Variants in STX17 observed in about 807,000 individuals in gnomAD.
The protein encoded by STX17 is syntaxin-17.
Under a neutral mutation model 35.9 loss-of-function variants are expected in STX17, and 29 were observed. The ratio of observed to expected loss-of-function variants is 0.81; its 90% CI spans 0.60 to 1.10. The LOEUF is 1.10. Ranked by LOEUF, STX17 falls within the 50% of genes least tolerant of loss-of-function variation. STX17 has a pLI of 0.00. For synonymous variants in STX17, 92 were observed against 118.3 expected, an observed-to-expected ratio of 0.78 and a Z score of 1.44; for missense variants, 312 against 352.3, an observed-to-expected ratio of 0.89 and a Z score of 0.92.
intron 6 of STX17, among the ~76,000 whole-genome samples, chr9:99,964,179 C>A (rs868229241): frequency 2.6e-5 from 4 of 152,226 alleles, no homozygotes; most frequent in South Asian, 4.2e-4. Flanking sequence ...GGATGCTAGG[C>A]CTACAAGTGT....
intron 3 of STX17, among the ~76,000 whole-genome samples, chr9:99,931,416 T>G (rs1312329497): frequency 1.3e-5 from 2 of 152,294 alleles, no homozygotes; most frequent in East Asian, 3.9e-4. Flanking sequence ...TTTCTAAAAA[T>G]TCATGTGCTT....
chr9:99,933,282 A>G (rs913960171), intron 3 of STX17, among the ~76,000 whole-genome samples: 2 of 152,114 alleles, frequency 1.3e-5, no homozygotes, highest in African/African-American at 4.8e-5. Flanking sequence ...TCCATTTGTC[A>G]GTCTATTTCT....
intron 7 of STX17, among the ~76,000 whole-genome samples, chr9:99,968,015 G>A (rs1360991219): frequency 6.6e-6 from 1 of 152,232 alleles, no homozygotes; most frequent in African/African-American, 2.4e-5. Context: ...GGGTAAAAGT[G>A]TAAGTATGTG....
At chr9:99,942,939 G>A (rs1325479202) in intron 3 of STX17, among the ~76,000 whole-genome samples, 1 of 152,068 alleles carries the variant, frequency 6.6e-6, no homozygotes, top group African/African-American at 2.4e-5. Flanking sequence ...TTTATAATGA[G>A]TTTTGATATC....
At chr9:99,948,817 T>C (rs1829536261) in intron 3 of STX17, among the ~76,000 whole-genome samples, 1 of 152,150 alleles carries the variant, frequency 6.6e-6, no homozygotes, top group African/African-American at 2.4e-5. Flanking sequence ...CTTAGCTGGA[T>C]ACTGTAATTT....
At chr9:99,912,165 G>A (rs1267954089) in intron 1 of STX17, among the ~76,000 whole-genome samples, 1 of 151,974 alleles carries the variant, frequency 6.6e-6, no homozygotes, top group African/African-American at 2.4e-5. Flanking sequence ...GGCAGAGGTT[G>A]CAGTAAGCTG....
At chr9:99,966,508 A>G (rs981304654) in intron 6 of STX17, among the ~76,000 whole-genome samples, 1 of 152,222 alleles carries the variant, frequency 6.6e-6, no homozygotes, top group African/African-American at 2.4e-5. Context: ...GGCCAATTAT[A>G]TAAGGGCAAT....
chr9:99,933,256 G>C (rs981741583), intron 3 of STX17, among the ~76,000 whole-genome samples: 1 of 152,020 alleles, frequency 6.6e-6, no homozygotes, highest in African/African-American at 2.4e-5. Context: ...ATATGTCTCT[G>C]ATCTTTATAT....
intron 4 of STX17, among the ~76,000 whole-genome samples, chr9:99,955,915 A>G (rs764361704): frequency 3.3e-5 from 5 of 152,174 alleles, no homozygotes; most frequent in South Asian, 2.1e-4. Context: ...ACTATAATCT[A>G]TCTCAGCGTT....
At chr9:99,953,155 A>G (rs55907318) in intron 4 of STX17, among the ~76,000 whole-genome samples, 1 of 152,046 alleles carries the variant, frequency 6.6e-6, no homozygotes, top group Non-Finnish European at 1.5e-5. Flanking sequence ...TTTTAATTTT[A>G]TATTTTCAGT....
chr9:99,946,876 T>C (rs1333261108), intron 3 of STX17, among the ~76,000 whole-genome samples: 2 of 152,152 alleles, frequency 1.3e-5, no homozygotes, highest in African/African-American at 2.4e-5. Context: ...TGCAAGAAAC[T>C]CTTGTCTCTA....
intron 2 of STX17, among the ~76,000 whole-genome samples, chr9:99,926,191 T>C (rs899267902): frequency 5.9e-5 from 9 of 152,020 alleles, no homozygotes; most frequent in African/African-American, 2.2e-4. Flanking sequence ...CTTATATGGC[T>C]TTTCTTCTAA....
At chr9:99,924,717 T>C (rs1217592695) in intron 2 of STX17, among the ~76,000 whole-genome samples, 1 of 152,182 alleles carries the variant, frequency 6.6e-6, no homozygotes, top group Non-Finnish European at 1.5e-5. Context: ...ACAATTTTAT[T>C]TTTTTCTAGC....
chr9:99,911,857 A>G (rs1828672068), intron 1 of STX17, among the ~76,000 whole-genome samples: 1 of 152,180 alleles, frequency 6.6e-6, no homozygotes, highest in Admixed American at 6.5e-5. Context: ...AATTACAGCT[A>G]TGAGCCAGCG....
At chr9:99,955,639 G>A (rs188735398) in intron 4 of STX17, among the ~76,000 whole-genome samples, 61 of 152,076 alleles carry the variant, frequency 4.0e-4, no homozygotes, top group African/African-American at 1.3e-3. Flanking sequence ...GGAGAAAGAG[G>A]GAGAGAGTAC....
chr9:99,906,931 G>C (rs1021322080), intron 1 of STX17: 4 of 152,264 alleles, frequency 2.6e-5, no homozygotes, highest in African/African-American at 9.6e-5. Flanking sequence ...GGCCGCAGAC[G>C]ATGCGAGCAG....
chr9:99,966,087 C>T (rs1829906062), intron 6 of STX17, among the ~76,000 whole-genome samples: 1 of 152,142 alleles, frequency 6.6e-6, no homozygotes, highest in Non-Finnish European at 1.5e-5. Context: ...CTGGCAGCAT[C>T]AGCATCACCT....
Position 99,951,105 on chromosome 9 carries a change from G to A in STX17, c.235G>A (p.Val79Ile). Residue 79 changes from valine to isoleucine, a missense_variant, in exon 4 of 8, where the codon GTC (valine) becomes ATC (isoleucine). Coordinates refer to ENST00000259400, the MANE Select transcript of STX17 (RefSeq NM_017919.3). ...IREIEKLCLK[V>I]RKDDLVLLKR... ...AGAAATTGAGAAACTTTGTTTGAAA[G>A]TCCGAAAGGATGACCTAGTACTTCT... 6.2e-7 allele frequency: 1 copy of A among 1,612,112 alleles called. No homozygotes were observed. Among genetic ancestry groups the A allele is most frequent in the Non-Finnish European group, 8.5e-7 (1 of 1,178,776 alleles).
rs1047451807 is a variant in STX17 at position 99,968,898 on chromosome 9, G to A, written c.*225G>A. 2.1e-5 allele frequency: 10 copies of A among 474,242 alleles called. No homozygotes were observed. The highest frequency in any genetic ancestry group is 2.0e-4 in the African/African-American group (10 of 49,742). The allele number at this position is 474,242 out of a possible 1,614,324, so 29.4% of individuals were successfully genotyped here. A position where few individuals can be genotyped will look rare whatever the true frequency, so the allele number is the denominator to read the frequency against. ...GGCTGAGGGTATATAATGTATGTCAGGTAAAGTTTGAAGACTGCCAAGGAG... is the reference window on the plus strand; with the variant it reads ...GGCTGAGGGTATATAATGTATGTCAAGTAAAGTTTGAAGACTGCCAAGGAG... On this transcript the variant is annotated 3_prime_UTR_variant, in exon 8 of 8. Transcript: ENST00000259400.
Sources: allele counts gnomAD v4.1 joint callset (sites outside exome capture counted in the v4.1 genomes callset), GRCh38; gene constraint gnomAD v4.1.1; transcripts MANE v1.5; gene names NCBI Gene and HGNC (gene_info 2026-07-23, HGNC 2026-07-21).